The following GPS2 variants were observed in gnomAD, a reference collection of about 807,000 sequenced individuals.
GPS2 encodes G protein pathway suppressor 2.
In GPS2, 22 loss-of-function variants were observed where a neutral mutation model predicts 48.1. The ratio of observed to expected loss-of-function variants is 0.46; its 90% CI spans 0.33 to 0.65. The LOEUF is 0.65. Ranked by LOEUF, GPS2 falls within the 30% of genes least tolerant of loss-of-function variation. The pLI is 0.03. For missense variants in GPS2, 366 were observed against 406.8 expected, an observed-to-expected ratio of 0.90 and a Z score of 0.86; for synonymous variants, 202 against 142.5, an observed-to-expected ratio of 1.42 and a Z score of -2.98.
At chr17:7,315,243 C>G in intron 1 of GPS2, 88 bp downstream of exon 1, 1 of 330,378 alleles carries the variant, frequency 3.0e-6, no homozygotes, top group East Asian at 4.7e-5. Context: ...ACCGCAGCCC[C>G]AGTCCCACCG....
rs1246244701 is a variant in GPS2 at position 7,315,086 on chromosome 17, C to T, written c.-34G>A. 6 of 1,526,902 alleles carry T rather than the reference C, an allele frequency of 3.9e-6. No individual in the cohort carries two copies. Among genetic ancestry groups the T allele is most frequent in the South Asian group, 1.2e-5 (1 of 84,386 alleles). The allele number at this position is 1,526,902 out of a possible 1,614,324, so 94.6% of individuals were successfully genotyped here. On this transcript the variant is annotated 5_prime_UTR_variant, in exon 2 of 11. Transcript: ENST00000380728. ...CGTGGGCGCTCGGGCCGTGGGCGCCCGGCTGTCTCTGACTGCCAGACCTCA... is the reference window on the plus strand; with the variant it reads ...CGTGGGCGCTCGGGCCGTGGGCGCCTGGCTGTCTCTGACTGCCAGACCTCA...
chr17:7,313,773 C>T (rs62059196), intron 6 of GPS2, 52 bp from the exon 7 acceptor site: 3 of 1,602,816 alleles, frequency 1.9e-6, no homozygotes, highest in Non-Finnish European at 8.5e-7. Flanking sequence ...AGCTGAAACC[C>T]AGTGACTTGT....
chr17:7,313,465 A>G lies in GPS2; in HGVS notation c.639T>C (p.Pro213=). 1 of 1,614,184 alleles carries G rather than the reference A, an allele frequency of 6.2e-7. No individual in the cohort carries two copies. The highest frequency in any genetic ancestry group is 8.5e-7 in the Non-Finnish European group (1 of 1,180,010). ...GGTACTGCACTGCAGGGAATGCCGA[A>G]GGAGCTGAGAAAGGAAAAGACAGAG... The part of the protein sequence containing the change: ...AYSPSQQLRA[P]SAFPAVQYLS... Residue 213 remains proline (P), a synonymous_variant, in exon 8 of 11, where the codon CCT becomes CCC. Coordinates refer to ENST00000380728, the MANE Select transcript of GPS2 (RefSeq NM_004489.5).
rs759447194 is a variant in GPS2 at position 7,313,242 on chromosome 17, A to G, written c.774T>C (p.His258=). 4 of 1,614,176 alleles carry G rather than the reference A, an allele frequency of 2.5e-6. No homozygotes were observed. The highest frequency in any genetic ancestry group is 2.5e-6 in the Non-Finnish European group (3 of 1,180,028). ...GALSLQKQME[H]ANQQTGFSDS... ...CGGAGAAGCCAGTCTGCTGGTTAGC[A>G]TGTTCCATCTGCTTTTGCAAGGACA... is the stretch of plus-strand genomic sequence containing the variant. Residue 258 remains histidine (H), a synonymous_variant, in exon 9 of 11, where the codon CAT becomes CAC. Transcript: ENST00000380728.
chr17:7,313,993 A>G lies in GPS2; in HGVS notation c.398-5T>C. ...GATTGTGTCCTCCAGGGCTCCCTAGAAAGGGAGAAGGGCTTCATGATGCTG... is the reference window on the plus strand; with the variant it reads ...GATTGTGTCCTCCAGGGCTCCCTAGGAAGGGAGAAGGGCTTCATGATGCTG... On this transcript the variant is annotated splice_polypyrimidine_tract_variant and splice_region_variant and intron_variant, in intron 5 of 10. Transcript: ENST00000380728. 6.2e-7 allele frequency: 1 copy of G among 1,613,140 alleles called. No homozygotes were observed. Among genetic ancestry groups the G allele is most frequent in the Non-Finnish European group, 8.5e-7 (1 of 1,179,194 alleles).
Position 7,314,072 on chromosome 17 carries a change from G to C in GPS2, c.397+8C>G, listed in dbSNP as rs1350913958. 5 of 1,612,500 alleles carry C rather than the reference G, an allele frequency of 3.1e-6. No homozygotes were observed. The highest frequency in any genetic ancestry group is 4.2e-6 in the Non-Finnish European group (5 of 1,178,638). On this transcript the variant is annotated splice_region_variant and intron_variant, in intron 5 of 10. Transcript: ENST00000380728. ...CCGGTTCCATCTGGTGGTTTCTTTA[G>C]TCCTCACCCTGCATGCTGAGGAGAT... is the stretch of plus-strand genomic sequence containing the variant.
chr17:7,312,961 ACCTAAT>A (rs763539198), intron 10 of GPS2, 62 bp downstream of exon 10: 2 of 1,464,070 alleles, frequency 1.4e-6, no homozygotes, highest in Admixed American at 1.8e-5. Context: ...CACCTGTCCT[ACCTAAT>A]CCTGCTTTTC....
At chr17:7,313,859 T>C (rs760488877) in intron 6 of GPS2, 47 bp downstream of exon 6, 2 of 1,576,334 alleles carry the variant, frequency 1.3e-6, no homozygotes, top group Non-Finnish European at 1.7e-6. Flanking sequence ...GTGGCAAGGA[T>C]GCATGGATGG....
chr17:7,314,831 A>C, intron 2 of GPS2, 128 bp downstream of exon 2: 2 of 1,303,928 alleles, frequency 1.5e-6, no homozygotes, highest in East Asian at 2.4e-5. Flanking sequence ...ATCCCACCAC[A>C]ACGGGGCTAT....
rs1225114132 is a variant in GPS2 at position 7,313,973 on chromosome 17, T to C, written c.413A>G (p.His138Arg). ...LLSMQGSPGGHNRPGTLMAAD... is the reference protein window; with the variant it reads ...LLSMQGSPGGRNRPGTLMAAD... ...TGCCATGAGGGTGCCTGGGCGATTG[T>C]GTCCTCCAGGGCTCCCTAGAAAGGG... Residue 138 changes from histidine (H) to arginine (R), a missense_variant, in exon 6 of 11, where the codon CAC becomes CGC. Physicochemically the swap from His to Arg is conservative, Grantham distance 29 (BLOSUM62 0). This residue lies in a region of GPS2 where 275 missense variants were observed against 282.3 expected (regional missense o/e 0.97). Transcript: ENST00000380728. 2 of 1,613,984 alleles carry C rather than the reference T, an allele frequency of 1.2e-6. No individual in the cohort carries two copies. The highest frequency in any genetic ancestry group is 1.7e-6 in the Non-Finnish European group (2 of 1,179,870).
chr17:7,312,722 T>TG lies in GPS2; in HGVS notation c.*33dup, dbSNP rs748581349. The TG allele has an allele frequency of 9.4e-6, 14 of 1,490,248 alleles. No individual in the cohort carries two copies. The highest frequency in any genetic ancestry group is 4.5e-5 in the East Asian group (2 of 44,344). 92.3% of individuals were successfully genotyped at this position (1,490,248 alleles called of 1,614,324 possible). ...GGGGATACCCTCACCCACGATGGGG[T>TG]GGGGGGTGTGGTGTTGAAGATATAA... On this transcript the variant is annotated 3_prime_UTR_variant, in exon 11 of 11. Transcript: ENST00000380728.
rs369696077 is a variant in GPS2, at chr17:7,314,356, G to A, written c.252C>T (p.His84=). ...CTTTCTTGAGCTGCAGGAAAAGCTG[G>A]TGCTTCTCTTCCTGTAGAGCCAAAA... ...EKLLALQEEK[H]QLFLQLKKVL... is the part of the protein sequence containing the mutation. The change falls in exon 4 of 11, where the codon CAC becomes CAT. Residue 84 remains histidine, a synonymous_variant. Coordinates refer to ENST00000380728, the MANE Select transcript of GPS2 (RefSeq NM_004489.5). The A allele has an allele frequency of 1.9e-6, 3 of 1,614,134 alleles. No homozygotes were observed. The highest frequency in any genetic ancestry group is 1.7e-4 in the Middle Eastern group (1 of 6,060).
At chr17:7,312,863 G>T in intron 10 of GPS2, 24 bp from the exon 11 acceptor site, 1 of 1,603,054 alleles carries the variant, frequency 6.2e-7, no homozygotes, top group Non-Finnish European at 8.5e-7. Flanking sequence ...TGAAAAGAGG[G>T]CTTTGTCACT....
At chr17:7,314,053 C>G (rs757616701) in intron 5 of GPS2, 27 bp downstream of exon 5, 8 of 1,611,368 alleles carry the variant, frequency 5.0e-6, no homozygotes, top group Admixed American at 3.3e-5. Context: ...AAGGCCGGTT[C>G]CATCTGGTGG....
At chr17:7,314,689 C>T (rs2143010638) in intron 2 of GPS2, 92 bp from the exon 3 acceptor site, 2 of 1,598,244 alleles carry the variant, frequency 1.3e-6, no homozygotes, top group Admixed American at 3.4e-5. Flanking sequence ...GTCATCCCAA[C>T]ACGCCTGTAT....
chr17:7,315,067 C>G lies in GPS2; in HGVS notation c.-15G>C. On this transcript the variant is annotated 5_prime_UTR_variant, in exon 2 of 11. Coordinates refer to ENST00000380728, the MANE Select transcript of GPS2 (RefSeq NM_004489.5). ...AGTGCGGGCATGGTGCTGCCGTGGG[C>G]GCTCGGGCCGTGGGCGCCCGGCTGT... 6.4e-7 allele frequency: 1 copy of G among 1,569,904 alleles called. No individual in the cohort carries two copies. The highest frequency in any genetic ancestry group is 8.6e-7 in the Non-Finnish European group (1 of 1,159,956).
Position 7,313,010 on chromosome 17 carries a change from A to G in GPS2, c.900+19T>C, listed in dbSNP as rs748326636. 6.5e-7 allele frequency: 1 copy of G among 1,531,652 alleles called. No individual in the cohort carries two copies. The highest frequency in any genetic ancestry group is 1.2e-5 in the South Asian group (1 of 80,008). The allele number at this position is 1,531,652 out of a possible 1,614,324, so 94.9% of individuals were successfully genotyped here. On this transcript the variant is annotated intron_variant, in intron 10 of 10. Transcript: ENST00000380728. The stretch of plus-strand genomic sequence containing the variant: ...CTAGTGTAGGGATTCTGACAGGTAA[A>G]TTCTATTACCATTCTTACCTTTCCT...
In GPS2 at chr17:7,312,840, CTGG is replaced by C. The variant is rs1415024651; in HGVS notation, c.901-4_901-2del. 1.2e-6 allele frequency: 2 copies of C among 1,613,432 alleles called. No homozygotes were observed. Among genetic ancestry groups the C allele is most frequent in the Non-Finnish European group, 1.7e-6 (2 of 1,179,566 alleles). Reference sequence around the variant, plus strand: ...GTTGGCTGGTAGCTGCAAAGCCCGACTGGTGGTGGTGATGAAAAGAGGGCTTTG... The same window carrying C: ...GTTGGCTGGTAGCTGCAAAGCCCGACTGGTGGTGATGAAAAGAGGGCTTTG... On this transcript the variant is annotated splice_acceptor_variant and splice_polypyrimidine_tract_variant and intron_variant, in intron 10 of 10. Coordinates refer to ENST00000380728, the MANE Select transcript of GPS2 (RefSeq NM_004489.5). LOFTEE classifies it high-confidence loss of function.
Position 7,315,352 on chromosome 17 carries a change from A to C in GPS2, c.-89T>G. The C allele has an allele frequency of 2.6e-6, 1 of 391,580 alleles. No individual in the cohort carries two copies. Among genetic ancestry groups the C allele is most frequent in the African/African-American group, 2.1e-5 (1 of 47,880 alleles). 24.3% of individuals were successfully genotyped at this position (391,580 alleles called of 1,614,324 possible). Reference sequence around the variant, plus strand: ...CTACCCGCCTTCTCTGCGCTTTCTCAGCGGCTCCGACGCGCCCTGGCCCCT... The same window carrying C: ...CTACCCGCCTTCTCTGCGCTTTCTCCGCGGCTCCGACGCGCCCTGGCCCCT... On this transcript the variant is annotated 5_prime_UTR_variant, in exon 1 of 11. Transcript: ENST00000380728.
Sources: allele counts gnomAD v4.1 joint callset, GRCh38; gene constraint gnomAD v4.1.1; regional missense constraint gnomAD v4.1.1; transcripts MANE v1.5; gene names NCBI Gene and HGNC (gene_info 2026-07-23, HGNC 2026-07-21).